Variants in NFATC2 observed in about 807,000 individuals in gnomAD.
NFATC2 encodes nuclear factor of activated T cells 2, also known as nuclear factor of activated T-cells, cytoplasmic 2.
In NFATC2, 22 loss-of-function variants were observed where a neutral mutation model predicts 87.3. That is an observed-to-expected ratio of 0.25 (90% CI 0.18 to 0.36). The LOEUF (loss-of-function observed/expected upper bound fraction) is 0.36, where lower values mean the gene tolerates loss of function less well. NFATC2 is among the 10% of genes least tolerant of loss of function. The pLI is 1.00. For missense variants in NFATC2, 1,149 were observed against 1,259.1 expected (o/e 0.91, Z 1.32); for synonymous variants, 565 against 542.2 (o/e 1.04, Z -0.58).
chr20:51,464,909 G>A (rs532796310), intron 5 of NFATC2, among the ~76,000 whole-genome samples: 2 of 152,324 alleles, frequency 1.3e-5, no homozygotes, highest in South Asian at 2.1e-4. Context: ...AGTTTTTCCA[G>A]CCTCTTCTCA....
chr20:51,491,245 C>T (rs2075877601), intron 3 of NFATC2, among the ~76,000 whole-genome samples: 1 of 151,714 alleles, frequency 6.6e-6, no homozygotes, highest in South Asian at 2.1e-4. Flanking sequence ...ATGGCCCTAT[C>T]TCTGAGTGAT....
intron 5 of NFATC2, among the ~76,000 whole-genome samples, chr20:51,461,038 C>T (rs1192210288): frequency 1.3e-5 from 2 of 152,260 alleles, no homozygotes; most frequent in Non-Finnish European, 2.9e-5. Context: ...CGGGGAACTC[C>T]TCCAGGGCAG....
chr20:51,523,544 C>T lies in NFATC2; in HGVS notation c.697G>A (p.Gly233Ser). The T allele has an allele frequency of 1.9e-6, 3 of 1,613,640 alleles. No individual in the cohort carries two copies. Among genetic ancestry groups the T allele is most frequent in the Non-Finnish European group, 1.7e-6 (2 of 1,179,760 alleles). The change falls in exon 2 of 11, where the codon GGC (glycine) becomes AGC (serine). Residue 233 changes from glycine (G) to serine (S), a missense_variant. Coordinates refer to ENST00000371564, the MANE Select transcript of NFATC2 (RefSeq NM_012340.5). This position sits in a 1 kb window ranked among gnomAD's most constrained non-coding sequence, Gnocchi z 6.9. ...GGACGGGGCACGGGCGAGTGGCGGC[C>T]CAGGCAGCTGTCCTCGGCGAGGCTG... is the stretch of plus-strand genomic sequence containing the variant. ...RTSLAEDSCL[G>S]RHSPVPRPAS...
At chr20:51,449,271 C>T (rs1985476671) in intron 6 of NFATC2, among the ~76,000 whole-genome samples, 1 of 152,142 alleles carries the variant, frequency 6.6e-6, no homozygotes, top group African/African-American at 2.4e-5. Flanking sequence ...CAGGGATTCC[C>T]CCTGCAGAAG....
At chr20:51,553,599 T>C (rs1032312029) in intron 1 of NFATC2, among the ~76,000 whole-genome samples, 40 of 142,782 alleles carry the variant, frequency 2.8e-4, no homozygotes, top group African/African-American at 8.9e-4. Context: ...GGCATGAACC[T>C]GGAAGGCAGG....
chr20:51,433,427 C>T (rs577177362), intron 8 of NFATC2, among the ~76,000 whole-genome samples: 1 of 152,168 alleles, frequency 6.6e-6, no homozygotes, highest in Non-Finnish European at 1.5e-5. Context: ...ATCATACCTA[C>T]CCCCACGAGA....
chr20:51,435,431 G>A, intron 7 of NFATC2, 117 bp from the exon 8 acceptor site: 1 of 1,412,650 alleles, frequency 7.1e-7, no homozygotes, highest in Non-Finnish European at 9.6e-7. Flanking sequence ...CCTTTCATCG[G>A]TTTACAGGGG....
intron 1 of NFATC2, among the ~76,000 whole-genome samples, chr20:51,525,546 C>T (rs919733878): frequency 2.7e-5 from 4 of 150,272 alleles, no homozygotes; most frequent in Admixed American, 6.6e-5. Context: ...ACAGCAACTC[C>T]ACCTCCAAGG....
rs888098302 is a variant in NFATC2 at position 51,480,343 on chromosome 20, G to A, written c.1333-4683C>T. ...AGGAGAGAGAGTGGGGCAGGAAGGA[G>A]GGAGAAAAGAAGGGGCACAGAGGGA... On this transcript the variant is annotated intron_variant, in intron 3 of 10. Transcript: ENST00000371564. The surrounding 1 kb of genome is among the most constrained non-coding windows in gnomAD (Gnocchi z 4.2). Among the ~76,000 whole-genome samples the A allele has an allele frequency of 3.3e-5, 5 of 152,162 alleles. No individual in the cohort carries two copies. The highest frequency in any genetic ancestry group is 9.7e-5 in the African/African-American group (4 of 41,442).
intron 10 of NFATC2, among the ~76,000 whole-genome samples, chr20:51,396,056 A>G (rs1987058567): frequency 1.6e-4 from 2 of 12,564 alleles, no homozygotes; most frequent in Non-Finnish European, 2.5e-4. Flanking sequence ...ATATATATAT[A>G]TATATATATA....
intron 8 of NFATC2, among the ~76,000 whole-genome samples, chr20:51,433,350 G>A (rs1175203824): frequency 6.6e-6 from 1 of 152,064 alleles, no homozygotes; most frequent in Admixed American, 6.5e-5. Context: ...CCATTCTGTA[G>A]TGCTTTGGGG....
Position 51,477,569 on chromosome 20 carries a change from AT to A in NFATC2, c.1333-1910del, listed in dbSNP as rs1568667280. Among the ~76,000 whole-genome samples, 465 of 97,240 alleles carry A rather than the reference AT, an allele frequency of 4.8e-3. 4 individuals carry two copies. The highest frequency in any genetic ancestry group is 0.016 in the Middle Eastern group (3 of 184). 63.8% of individuals were successfully genotyped at this position (97,240 alleles called of 152,430 possible). A position where few individuals can be genotyped will look rare whatever the true frequency, so the allele number is the denominator to read the frequency against. ...TATATATATATATATATATATATAT[AT>A]ATATATATATAAAATAACAAGAGAC... is the stretch of plus-strand genomic sequence containing the variant. On this transcript the variant is annotated intron_variant, in intron 3 of 10. Transcript: ENST00000371564.
At position 51,436,814 on chromosome 20, in the gene NFATC2, G is replaced by C. The variant is rs181008048; in HGVS notation, c.1850-1053C>G. Among the ~76,000 whole-genome samples, 262 of 152,278 alleles carry C rather than the reference G, an allele frequency of 1.7e-3. 1 individual carries two copies. Among genetic ancestry groups the C allele is most frequent in the Admixed American group, 6.4e-3 (98 of 15,294 alleles). ...ATGTTACACTTTATCCTACGCCAAA[G>C]CTGTTAGAGAAGCGCCATGACAGGT... On this transcript the variant is annotated intron_variant, in intron 6 of 10. Transcript: ENST00000371564.
intron 6 of NFATC2, among the ~76,000 whole-genome samples, chr20:51,445,806 C>T (rs1033885327): frequency 1.3e-5 from 2 of 152,194 alleles, no homozygotes; most frequent in South Asian, 2.1e-4. Flanking sequence ...AATAAACACC[C>T]GGGAAATGAA....
intron 9 of NFATC2, 77 bp from the exon 10 acceptor site, chr20:51,398,807 T>C (rs1987638104): frequency 2.0e-6 from 2 of 998,120 alleles, no homozygotes; most frequent in African/African-American, 1.6e-5. Flanking sequence ...TTCCAACTCA[T>C]GCCGATATCA....
At chr20:51,463,006 G>A (rs1244470620) in intron 5 of NFATC2, among the ~76,000 whole-genome samples, 1 of 152,260 alleles carries the variant, frequency 6.6e-6, no homozygotes. Flanking sequence ...GTTCTGGCCC[G>A]AGCACTGAGC....
At chr20:51,424,962 A>G (rs1053319998) in intron 9 of NFATC2, among the ~76,000 whole-genome samples, 1 of 151,980 alleles carries the variant, frequency 6.6e-6, no homozygotes, top group African/African-American at 2.4e-5. Context: ...CCATATGACA[A>G]TGCTTTGTGG....
intron 9 of NFATC2, among the ~76,000 whole-genome samples, chr20:51,406,163 C>T (rs961319531): frequency 5.9e-5 from 9 of 152,108 alleles, no homozygotes; most frequent in African/African-American, 2.2e-4. Flanking sequence ...ACCAAGTCTC[C>T]GAAAGAGTAA....
intron 3 of NFATC2, among the ~76,000 whole-genome samples, chr20:51,476,415 T>A (rs990969033): frequency 8.5e-5 from 13 of 152,186 alleles, no homozygotes; most frequent in African/African-American, 3.1e-4. Flanking sequence ...GTGCAACATA[T>A]AACAGATAAA....
Sources: gnomAD v4.1 joint callset for allele counts (sites outside exome capture counted in the v4.1 genomes callset) on GRCh38, gnomAD v4.1.1 for gene constraint, Gnocchi (gnomAD v3.1) non-coding constraint, MANE v1.5 for transcripts, NCBI Gene and HGNC (gene_info 2026-07-23, HGNC 2026-07-21) for gene names.